The following BMPR1B variants were observed in gnomAD, a reference collection of about 807,000 sequenced individuals.
BMPR1B encodes bone morphogenetic protein receptor type 1B, also known as bone morphogenetic protein receptor type-1B.
Under a neutral mutation model 59.1 loss-of-function variants are expected in BMPR1B, and 12 were observed. That is an observed-to-expected ratio of 0.20 (90% CI 0.13 to 0.33). The LOEUF (loss-of-function observed/expected upper bound fraction) is 0.33. BMPR1B is among the 10% of genes least tolerant of loss of function. BMPR1B has a pLI of 1.00. For missense variants in BMPR1B, 550 were observed against 610.9 expected (o/e 0.90, Z 1.05); for synonymous variants, 237 against 207.3 (o/e 1.14, Z -1.23).
chr4:95,048,888 A>C (rs931521849), intron 3 of BMPR1B, among the ~76,000 whole-genome samples: 1 of 152,188 alleles, frequency 6.6e-6, no homozygotes, highest in Non-Finnish European at 1.5e-5. Flanking sequence ...CCATTTATAG[A>C]AGATCCCCTT....
At chr4:94,921,749 A>G (rs896395940) in intron 2 of BMPR1B, among the ~76,000 whole-genome samples, 3 of 152,166 alleles carry the variant, frequency 2.0e-5, no homozygotes, top group South Asian at 2.1e-4. Flanking sequence ...AATTATATCA[A>G]TAAATACAAC....
At chr4:95,006,766 C>T (rs1400841882) in intron 3 of BMPR1B, among the ~76,000 whole-genome samples, 2 of 152,014 alleles carry the variant, frequency 1.3e-5, no homozygotes, top group Non-Finnish European at 2.9e-5. Flanking sequence ...GTCTCATACT[C>T]CTGACTTCGT....
intron 2 of BMPR1B, among the ~76,000 whole-genome samples, chr4:94,895,613 T>C (rs1426625987): frequency 5.3e-5 from 8 of 151,854 alleles, no homozygotes; most frequent in African/African-American, 1.7e-4. Flanking sequence ...TGTGAACTTA[T>C]GACACTTCAA....
At chr4:94,851,485 A>T (rs991646600) in intron 1 of BMPR1B, among the ~76,000 whole-genome samples, 2 of 152,164 alleles carry the variant, frequency 1.3e-5, no homozygotes, top group African/African-American at 4.8e-5. Context: ...CCTAACTTCC[A>T]AGAAGTTAGT....
intron 2 of BMPR1B, among the ~76,000 whole-genome samples, chr4:94,981,130 T>C (rs1207154979): frequency 2.0e-5 from 3 of 152,184 alleles, no homozygotes; most frequent in African/African-American, 7.2e-5. Flanking sequence ...AAAAAATTGG[T>C]AGTGTAATAC....
At chr4:94,787,746 C>G (rs774480617) in intron 1 of BMPR1B, among the ~76,000 whole-genome samples, 2 of 152,136 alleles carry the variant, frequency 1.3e-5, no homozygotes, top group East Asian at 1.9e-4. Flanking sequence ...TACAGGGGCT[C>G]TAGGCGAGAA....
At chr4:94,884,035 T>TTA (rs1331984663) in intron 2 of BMPR1B, among the ~76,000 whole-genome samples, 1 of 152,182 alleles carries the variant, frequency 6.6e-6, no homozygotes, top group East Asian at 1.9e-4. Flanking sequence ...ACTGTATAAC[T>TTA]TACAGCCTGC....
chr4:94,922,884 A>G (rs1449410412), intron 2 of BMPR1B, among the ~76,000 whole-genome samples: 2 of 152,098 alleles, frequency 1.3e-5, no homozygotes, highest in South Asian at 2.1e-4. Context: ...AAATTATGCA[A>G]TCTTTTAACA....
intron 2 of BMPR1B, among the ~76,000 whole-genome samples, chr4:94,883,877 A>G (rs573947077): frequency 6.6e-6 from 1 of 152,244 alleles, no homozygotes; most frequent in Non-Finnish European, 1.5e-5. Context: ...AACCTACCAG[A>G]GTATTTGGCA....
intron 2 of BMPR1B, among the ~76,000 whole-genome samples, chr4:94,886,320 T>A (rs1727169313): frequency 6.6e-6 from 1 of 152,164 alleles, no homozygotes; most frequent in Non-Finnish European, 1.5e-5. Context: ...CTGGTTTAAA[T>A]TTTTTTATAA....
intron 2 of BMPR1B, among the ~76,000 whole-genome samples, chr4:94,988,867 G>GA (rs34680425): frequency 4.1e-4 from 61 of 150,106 alleles, no homozygotes; most frequent in Middle Eastern, 3.4e-3. Flanking sequence ...TTTTTTTTGG[G>GA]AAAAGAAAAG....
chr4:95,123,174 A>G (rs1273719214), intron 6 of BMPR1B, among the ~76,000 whole-genome samples: 3 of 152,192 alleles, frequency 2.0e-5, no homozygotes, highest in Non-Finnish European at 4.4e-5. Flanking sequence ...AATTTGTTGT[A>G]TAAAAGTATC....
At chr4:95,075,811 G>A (rs1728663972) in intron 3 of BMPR1B, among the ~76,000 whole-genome samples, 1 of 152,090 alleles carries the variant, frequency 6.6e-6, no homozygotes, top group East Asian at 1.9e-4. Flanking sequence ...TAGTTGGCCT[G>A]CCTTTTGGTT....
At chr4:94,967,586 G>A (rs1404681146) in intron 2 of BMPR1B, among the ~76,000 whole-genome samples, 4 of 151,862 alleles carry the variant, frequency 2.6e-5, no homozygotes, top group African/African-American at 4.8e-5. Flanking sequence ...GGGTTCAAGC[G>A]ATTCTCCTGC....
intron 3 of BMPR1B, among the ~76,000 whole-genome samples, chr4:95,090,240 ATAACT>A (rs1729881344): frequency 2.0e-5 from 3 of 152,096 alleles, no homozygotes; most frequent in African/African-American, 7.2e-5. Context: ...GCAATAAAAA[ATAACT>A]TAAAATGTTT....
At chr4:94,795,936 T>A (rs1199937030) in intron 1 of BMPR1B, among the ~76,000 whole-genome samples, 2 of 151,860 alleles carry the variant, frequency 1.3e-5, no homozygotes, top group Non-Finnish European at 2.9e-5. Context: ...GTCAGCAAAT[T>A]CAGTCAGGCC....
At chr4:94,835,639 A>G (rs1288460115) in intron 1 of BMPR1B, among the ~76,000 whole-genome samples, 1 of 149,280 alleles carries the variant, frequency 6.7e-6, no homozygotes, top group Non-Finnish European at 1.5e-5. Flanking sequence ...TTAAATTGAA[A>G]ATATTTATTA....
rs1451131254 is a variant in BMPR1B at position 94,860,711 on chromosome 4, A to G, written c.-182-15120A>G. ...ATTGTAGTATAGTGAATACTGTTTT[A>G]TAATGTTAAAACCTGTTTTGGAGCT... On this transcript the variant is annotated intron_variant, in intron 1 of 12. Transcript: ENST00000515059. Among the ~76,000 whole-genome samples, 10 of 152,304 alleles carry G rather than the reference A, an allele frequency of 6.6e-5. No individual in the cohort carries two copies. In the East Asian group the frequency reaches 1.9e-3, roughly 29 times the overall value.
At chr4:95,053,378 A>G (rs1414250580) in intron 3 of BMPR1B, among the ~76,000 whole-genome samples, 1 of 151,204 alleles carries the variant, frequency 6.6e-6, no homozygotes, top group Non-Finnish European at 1.5e-5. Context: ...CTAAGAGTAC[A>G]AATTCTGGAC....
Sources: gnomAD v4.1 joint callset for allele counts (sites outside exome capture counted in the v4.1 genomes callset) on GRCh38, gnomAD v4.1.1 for gene constraint, MANE v1.5 for transcripts, NCBI Gene and HGNC (gene_info 2026-07-23, HGNC 2026-07-21) for gene names.